Variants in SECTM1 observed in about 807,000 individuals in gnomAD.
The protein encoded by SECTM1 is secreted and transmembrane 1.
A neutral mutation model predicts 18.1 loss-of-function variants in SECTM1; 10 were observed. The ratio of observed to expected loss-of-function variants is 0.55; its 90% CI spans 0.34 to 0.94. SECTM1 has a LOEUF of 0.94. SECTM1 is among the 40% of genes least tolerant of loss of function. The pLI is 0.02. For missense variants in SECTM1, 297 were observed against 322.6 expected (o/e 0.92, Z 0.61); for synonymous variants, 137 against 139.2 (o/e 0.98, Z 0.11).
At position 82,324,761 on chromosome 17, in the gene SECTM1, C is replaced by T; in HGVS notation, c.224G>A (p.Ser75Asn). 6.8e-6 allele frequency: 11 copies of T among 1,614,136 alleles called. No homozygotes were observed. Among genetic ancestry groups the T allele is most frequent in the Non-Finnish European group, 9.3e-6 (11 of 1,180,014 alleles). The change falls in exon 3 of 5, where the codon AGC becomes AAC. Residue 75 changes from serine (S) to asparagine (N), a missense_variant. Physicochemically the swap from Ser to Asn is conservative, Grantham distance 46. Transcript: ENST00000269389. Reference protein sequence around the residue: ...NIKLRAHGQESAIFNEVAPGY... With the variant: ...NIKLRAHGQENAIFNEVAPGY... ...TGGAGCCACCTCATTGAAGATGGCGCTCTCCTGCCCGTGGGCACGCAGCTT... is the reference window on the plus strand; with the variant it reads ...TGGAGCCACCTCATTGAAGATGGCGTTCTCCTGCCCGTGGGCACGCAGCTT...
rs73999891 is a variant in SECTM1 at position 82,330,771 on chromosome 17, C to T, written c.-53+2929G>A. 0.12 allele frequency among the ~76,000 whole-genome samples: 17,747 copies of T among 151,978 alleles called. 2,117 individuals are homozygous for T. The highest frequency in any genetic ancestry group is 0.3 in the African/African-American group (12,518 of 41,376). ...CAGTGCTGGCTCCTAGCCTCCCTGCCGATTGCTTCCTGAAGACCTGGGGCC... is the reference window on the plus strand; with the variant it reads ...CAGTGCTGGCTCCTAGCCTCCCTGCTGATTGCTTCCTGAAGACCTGGGGCC... On this transcript the variant is annotated intron_variant, in intron 1 of 4. Coordinates refer to ENST00000269389, the MANE Select transcript of SECTM1 (RefSeq NM_003004.3). This position sits in a 1 kb window ranked among gnomAD's most constrained non-coding sequence, Gnocchi z 6.1.
intron 1 of SECTM1, among the ~76,000 whole-genome samples, chr17:82,333,051 G>A (rs192607163): frequency 2.0e-5 from 3 of 151,350 alleles, no homozygotes; most frequent in African/African-American, 7.3e-5. Context: ...GGGCAGCTGA[G>A]GGCCTGCCGG....
At position 82,324,667 on chromosome 17, in the gene SECTM1, G is replaced by A. The variant is rs545843919; in HGVS notation, c.318C>T (p.Gly106=). The A allele has an allele frequency of 8.1e-5, 130 of 1,614,034 alleles. No homozygotes were observed. Among genetic ancestry groups the A allele is most frequent in the Admixed American group, 4.5e-4 (27 of 60,004 alleles). ...ACAGCCCAGCATGGGAGTCCCGGGC[G>A]CCTTTGATCACCAGCTGTGCCACGC... is the stretch of plus-strand genomic sequence containing the variant. ...QGGVAQLVIK[G]ARDSHAGLYM... is the part of the protein sequence containing the mutation. The change falls in exon 3 of 5, where the codon GGC becomes GGT. Residue 106 remains glycine, a synonymous_variant. Coordinates refer to ENST00000269389, the MANE Select transcript of SECTM1 (RefSeq NM_003004.3).
Position 82,325,850 on chromosome 17 carries a change from A to G in SECTM1, c.95-960T>C, listed in dbSNP as rs966905998. On this transcript the variant is annotated intron_variant, in intron 2 of 4. Coordinates refer to ENST00000269389, the MANE Select transcript of SECTM1 (RefSeq NM_003004.3). This position sits in a 1 kb window ranked among gnomAD's most constrained non-coding sequence, Gnocchi z 7.6. ...ACGGCAGGGTGAGCTCTCGGGGAGC[A>G]CACAGCATGCTGGTTGGAGCCGCCA... Among the ~76,000 whole-genome samples, 2 of 152,198 alleles carry G rather than the reference A, an allele frequency of 1.3e-5. No homozygotes were observed. The highest frequency in any genetic ancestry group is 2.4e-5 in the African/African-American group (1 of 41,460).
chr17:82,331,176 G>C (rs182212138), intron 1 of SECTM1, among the ~76,000 whole-genome samples: 2 of 152,188 alleles, frequency 1.3e-5, no homozygotes, highest in African/African-American at 4.8e-5. Context: ...TGGCGGGAAA[G>C]GTGTGGAATG....
At position 82,325,837 on chromosome 17, in the gene SECTM1, G is replaced by T. The variant is rs1020374560; in HGVS notation, c.95-947C>A. Among the ~76,000 whole-genome samples the T allele has an allele frequency of 6.6e-6, 1 of 152,246 alleles. No homozygotes were observed. The highest frequency in any genetic ancestry group is 1.5e-5 in the Non-Finnish European group (1 of 68,040). ...GACGGACAGACGGACGGCAGGGTGAGCTCTCGGGGAGCACACAGCATGCTG... is the reference window on the plus strand; with the variant it reads ...GACGGACAGACGGACGGCAGGGTGATCTCTCGGGGAGCACACAGCATGCTG... On this transcript the variant is annotated intron_variant, in intron 2 of 4. Coordinates refer to ENST00000269389, the MANE Select transcript of SECTM1 (RefSeq NM_003004.3). This position sits in a 1 kb window ranked among gnomAD's most constrained non-coding sequence, Gnocchi z 7.6.
chr17:82,326,917 G>A lies in SECTM1; in HGVS notation c.94+230C>T, dbSNP rs1011311039. ...GCGGGCACCACCGCCCTCCACCCAC[G>A]GCGGGACACGGCCCACTCACCACCA... On this transcript the variant is annotated intron_variant, in intron 2 of 4. Transcript: ENST00000269389. This position sits in a 1 kb window ranked among gnomAD's most constrained non-coding sequence, Gnocchi z 4.3. Among the ~76,000 whole-genome samples, 2 of 152,002 alleles carry A rather than the reference G, an allele frequency of 1.3e-5. No homozygotes were observed. Among genetic ancestry groups the A allele is most frequent in the African/African-American group, 2.4e-5 (1 of 41,376 alleles).
rs1011965207 is a variant in SECTM1 at position 82,330,697 on chromosome 17, G to A, written c.-53+3003C>T. ...GCAGCTCGGTGGAGCCTCTGCTCTC[G>A]GGGGCTACAGCTGCTCCTAGATGCC... On this transcript the variant is annotated intron_variant, in intron 1 of 4. Coordinates refer to ENST00000269389, the MANE Select transcript of SECTM1 (RefSeq NM_003004.3). The surrounding 1 kb of genome is among the most constrained non-coding windows in gnomAD (Gnocchi z 6.1). 3.3e-5 allele frequency among the ~76,000 whole-genome samples: 5 copies of A among 151,952 alleles called. No homozygotes were observed. The highest frequency in any genetic ancestry group is 6.6e-5 in the Admixed American group (1 of 15,266).
At chr17:82,324,174 C>T (rs988343946) in intron 3 of SECTM1, among the ~76,000 whole-genome samples, 4 of 151,436 alleles carry the variant, frequency 2.6e-5, no homozygotes, top group Admixed American at 6.6e-5. Flanking sequence ...CCCACACAGC[C>T]GGGGTGGGGG....
Position 82,326,324 on chromosome 17 carries a change from G to A in SECTM1, c.94+823C>T, listed in dbSNP as rs2052144896. On this transcript the variant is annotated intron_variant, in intron 2 of 4. Transcript: ENST00000269389. The surrounding 1 kb of genome is among the most constrained non-coding windows in gnomAD (Gnocchi z 4.3). ...ACATCTTTTAAAAGCCCCTCGGGTGGCTCAGTGGCTCACGCCTGTAATCCC... is the reference window on the plus strand; with the variant it reads ...ACATCTTTTAAAAGCCCCTCGGGTGACTCAGTGGCTCACGCCTGTAATCCC... 6.6e-6 allele frequency among the ~76,000 whole-genome samples: 1 copy of A among 152,140 alleles called. No homozygotes were observed. Among genetic ancestry groups the A allele is most frequent in the Non-Finnish European group, 1.5e-5 (1 of 68,016 alleles).
Position 82,326,432 on chromosome 17 carries a change from T to C in SECTM1, c.94+715A>G, listed in dbSNP as rs964181726. On this transcript the variant is annotated intron_variant, in intron 2 of 4. Coordinates refer to ENST00000269389, the MANE Select transcript of SECTM1 (RefSeq NM_003004.3). The surrounding 1 kb of genome is among the most constrained non-coding windows in gnomAD (Gnocchi z 4.3). ...CTGAGCAACATGGCAAAACCCCATC[T>C]CTACAAAAAATACACAATTTAGCCA... is the stretch of plus-strand genomic sequence containing the variant. 1.3e-5 allele frequency among the ~76,000 whole-genome samples: 2 copies of C among 151,942 alleles called. No individual in the cohort carries two copies. The highest frequency in any genetic ancestry group is 4.8e-5 in the African/African-American group (2 of 41,356).
chr17:82,322,919 A>G lies in SECTM1; in HGVS notation c.496T>C (p.Phe166Leu). The G allele has an allele frequency of 6.2e-7, 1 of 1,613,908 alleles. No homozygotes were observed. Among genetic ancestry groups the G allele is most frequent in the Non-Finnish European group, 8.5e-7 (1 of 1,179,980 alleles). ...GAACAGCGGCACCTGTACCAGGCGA[A>G]CATGACCAGAGCGACCAAGAGGATG... Reference protein sequence around the residue: ...VFILLVALVMFAWYRCRCSQQ... With the variant: ...VFILLVALVMLAWYRCRCSQQ... Residue 166 changes from phenylalanine to leucine, a missense_variant, in exon 4 of 5, where the codon TTC becomes CTC. Physicochemically the swap from Phe to Leu is conservative, Grantham distance 22. Transcript: ENST00000269389.
Position 82,329,967 on chromosome 17 carries a change from G to C in SECTM1, c.-52-2675C>G, listed in dbSNP as rs751701067. On this transcript the variant is annotated intron_variant, in intron 1 of 4. Coordinates refer to ENST00000269389, the MANE Select transcript of SECTM1 (RefSeq NM_003004.3). The surrounding 1 kb of genome is among the most constrained non-coding windows in gnomAD (Gnocchi z 7.6). ...TCTGCATAGTCTCTTTGCCATGTCA[G>C]GTTCTGGGATGAGGACGTGACATCT... Among the ~76,000 whole-genome samples, 65 of 152,212 alleles carry C rather than the reference G, an allele frequency of 4.3e-4. No homozygotes were observed. The highest frequency in any genetic ancestry group is 6.9e-4 in the Non-Finnish European group (47 of 68,030).
At chr17:82,323,120 T>A (rs2052111978) in intron 3 of SECTM1, 109 bp from the exon 4 acceptor site, 1 of 1,318,852 alleles carries the variant, frequency 7.6e-7, no homozygotes, top group Non-Finnish European at 1.0e-6. Context: ...GGGGTGAGAA[T>A]GAGCCTTGGA....
In SECTM1 at chr17:82,330,891, C is replaced by T. The variant is rs1000699665; in HGVS notation, c.-53+2809G>A. On this transcript the variant is annotated intron_variant, in intron 1 of 4. Transcript: ENST00000269389. This position sits in a 1 kb window ranked among gnomAD's most constrained non-coding sequence, Gnocchi z 6.1. Reference sequence around the variant, plus strand: ...TCCTCTCCATGGTCTCAGCCCCTGGCGGCCTGGACTGCACCGTTCCGGAGA... The same window carrying T: ...TCCTCTCCATGGTCTCAGCCCCTGGTGGCCTGGACTGCACCGTTCCGGAGA... Among the ~76,000 whole-genome samples, 8 of 152,134 alleles carry T rather than the reference C, an allele frequency of 5.3e-5. No individual in the cohort carries two copies. Among genetic ancestry groups the T allele is most frequent in the African/African-American group, 1.7e-4 (7 of 41,414 alleles).
Position 82,325,042 on chromosome 17 carries a change from A to G in SECTM1, c.95-152T>C, listed in dbSNP as rs573885782. ...CATCCACCCGACCCAATCAGCACAT[A>G]TATCTCGTGTGGGAAGAATAAAATA... On this transcript the variant is annotated intron_variant, in intron 2 of 4. Coordinates refer to ENST00000269389, the MANE Select transcript of SECTM1 (RefSeq NM_003004.3). The surrounding 1 kb of genome is among the most constrained non-coding windows in gnomAD (Gnocchi z 7.6). 1.9e-5 allele frequency: 13 copies of G among 683,498 alleles called. No individual in the cohort carries two copies. In the Admixed American group the frequency reaches 3.2e-4, roughly 17 times the overall value. The allele number at this position is 683,498 out of a possible 1,614,324, so 42.3% of individuals were successfully genotyped here. A position where few individuals can be genotyped will look rare whatever the true frequency, so the allele number is the denominator to read the frequency against.
In SECTM1 at chr17:82,322,314, G is replaced by T. The variant is rs2052101009; in HGVS notation, c.594C>A (p.Ala198=). 1.2e-6 allele frequency: 2 copies of T among 1,613,344 alleles called. No homozygotes were observed. Among genetic ancestry groups the T allele is most frequent in the Non-Finnish European group, 1.7e-6 (2 of 1,179,672 alleles). Residue 198 remains alanine (A), a synonymous_variant, in exon 5 of 5, where the codon GCC becomes GCA. Coordinates refer to ENST00000269389, the MANE Select transcript of SECTM1 (RefSeq NM_003004.3). The stretch of plus-strand genomic sequence containing the variant: ...CGGAGGCTCTGCTCAGGCCCTGCTG[G>T]GCTCCCGCTCTGAGGGCTGCGACCT... ...QMKVAALRAG[A]QQGLSRASAE...
intron 1 of SECTM1, among the ~76,000 whole-genome samples, chr17:82,333,280 G>A (rs944892580): frequency 2.0e-5 from 3 of 152,228 alleles, no homozygotes; most frequent in Admixed American, 6.5e-5. Flanking sequence ...GGGAAGGGAG[G>A]AGGGGGCTCC....
At position 82,328,720 on chromosome 17, in the gene SECTM1, G is replaced by GT. The variant is rs2052167954; in HGVS notation, c.-52-1429dup. Among the ~76,000 whole-genome samples, 1 of 152,222 alleles carries GT rather than the reference G, an allele frequency of 6.6e-6. No individual in the cohort carries two copies. Among genetic ancestry groups the GT allele is most frequent in the Admixed American group, 6.5e-5 (1 of 15,288 alleles). The stretch of plus-strand genomic sequence containing the variant: ...GGGTCTGTTCCAGGTGGGGCAGCGG[G>GT]TAAGGCCCAGCAGGAGCCCTGGCAG... On this transcript the variant is annotated intron_variant, in intron 1 of 4. Transcript: ENST00000269389. The surrounding 1 kb of genome is among the most constrained non-coding windows in gnomAD (Gnocchi z 5.8).
Sources: allele counts gnomAD v4.1 joint callset (sites outside exome capture counted in the v4.1 genomes callset), GRCh38; gene constraint gnomAD v4.1.1; non-coding constraint Gnocchi (gnomAD v3.1); transcripts MANE v1.5; gene names NCBI Gene and HGNC (gene_info 2026-07-23, HGNC 2026-07-21).